Variants in PRKAA2 observed in about 807,000 individuals in gnomAD.
PRKAA2 encodes protein kinase AMP-activated catalytic subunit alpha 2, also known as 5'-AMP-activated protein kinase catalytic subunit alpha-2.
Under a neutral mutation model 56.3 loss-of-function variants are expected in PRKAA2, and 40 were observed. That is an observed-to-expected ratio of 0.71 (90% CI 0.55 to 0.92). PRKAA2 has a LOEUF of 0.92. Ranked by LOEUF, PRKAA2 falls within the 40% of genes least tolerant of loss-of-function variation. The pLI is 0.00. For synonymous variants in PRKAA2, 214 were observed against 234.2 expected (o/e 0.91, Z 0.79); for missense variants, 542 against 686.9 (o/e 0.79, Z 2.36).
At chr1:56,703,122 A>G (rs1283148019) in intron 6 of PRKAA2, among the ~76,000 whole-genome samples, 1 of 152,172 alleles carries the variant, frequency 6.6e-6, no homozygotes, top group African/African-American at 2.4e-5. Flanking sequence ...AACAATAGTA[A>G]CATCAAGCAC....
rs879001635 is a variant in PRKAA2 at position 56,650,350 on chromosome 1, G to A, written c.94+4869G>A. Among the ~76,000 whole-genome samples, 4 of 152,014 alleles carry A rather than the reference G, an allele frequency of 2.6e-5. No homozygotes were observed. In the East Asian group the frequency reaches 5.8e-4, roughly 22 times the overall value. ...ACTGTTTTTGGAAACAGATTATATGGGCTGACAGAGTTTAAAAGTAATGCT... is the reference window on the plus strand; with the variant it reads ...ACTGTTTTTGGAAACAGATTATATGAGCTGACAGAGTTTAAAAGTAATGCT... On this transcript the variant is annotated intron_variant, in intron 1 of 8. Transcript: ENST00000371244.
intron 6 of PRKAA2, among the ~76,000 whole-genome samples, chr1:56,702,723 T>C (rs1320605402): frequency 1.3e-5 from 2 of 152,356 alleles, no homozygotes; most frequent in East Asian, 3.9e-4. Context: ...CTTCAGATCA[T>C]TCTAGTGTCA....
At chr1:56,677,759 T>C (rs1644123855) in intron 2 of PRKAA2, among the ~76,000 whole-genome samples, 2 of 151,742 alleles carry the variant, frequency 1.3e-5, no homozygotes, top group African/African-American at 4.8e-5. Flanking sequence ...CAGATTCAAA[T>C]GATTCTCATG....
intron 1 of PRKAA2, among the ~76,000 whole-genome samples, chr1:56,666,562 A>G (rs1365152258): frequency 6.6e-6 from 1 of 152,200 alleles, no homozygotes; most frequent in African/African-American, 2.4e-5. Flanking sequence ...ATTTAATGGC[A>G]TTTATGTATT....
At chr1:56,667,697 A>G (rs1248709546) in intron 1 of PRKAA2, among the ~76,000 whole-genome samples, 1 of 152,206 alleles carries the variant, frequency 6.6e-6, no homozygotes, top group African/African-American at 2.4e-5. Flanking sequence ...GAAACAATGT[A>G]TATAAAATGT....
rs1644374498 is a variant in PRKAA2, at chr1:56,712,418, A to G, written c.*4705A>G. 6.6e-6 allele frequency: 1 copy of G among 152,226 alleles called. No homozygotes were observed. The highest frequency in any genetic ancestry group is 1.5e-5 in the Non-Finnish European group (1 of 68,050). 9.4% of individuals were successfully genotyped at this position (152,226 alleles called of 1,614,324 possible). On this transcript the variant is annotated 3_prime_UTR_variant, in exon 9 of 9. Transcript: ENST00000371244. ...TTGATTGTACTAACGAGATGTAATT[A>G]TCTGAAGTATTTATGATTAGCATAT...
chr1:56,683,313 A>G (rs1205317430), intron 2 of PRKAA2, among the ~76,000 whole-genome samples: 1 of 152,146 alleles, frequency 6.6e-6, no homozygotes, highest in Non-Finnish European at 1.5e-5. Flanking sequence ...GCACAGTAGT[A>G]GGTATTCAAT....
intron 1 of PRKAA2, among the ~76,000 whole-genome samples, chr1:56,650,495 G>A (rs977248094): frequency 6.6e-6 from 1 of 152,138 alleles, no homozygotes; most frequent in African/African-American, 2.4e-5. Context: ...CTTCTCTAAA[G>A]GTGATAGAAA....
At chr1:56,695,197 TA>T (rs1338652488) in intron 5 of PRKAA2, among the ~76,000 whole-genome samples, 3,058 of 147,650 alleles carry the variant, frequency 0.021, 66 homozygotes, top group African/African-American at 0.053. Context: ...TATATATATA[TA>T]TATATTTTTT....
At chr1:56,663,597 C>A (rs767529224) in intron 1 of PRKAA2, among the ~76,000 whole-genome samples, 4 of 152,224 alleles carry the variant, frequency 2.6e-5, no homozygotes, top group Non-Finnish European at 4.4e-5. Flanking sequence ...TGCAGCTGAT[C>A]TGAGTGCAAC....
rs1394547484 is a variant in PRKAA2, at chr1:56,707,528, G to A, written c.1474G>A (p.Ala492Thr). 5 of 1,614,036 alleles carry A rather than the reference G, an allele frequency of 3.1e-6. No individual in the cohort carries two copies. The highest frequency in any genetic ancestry group is 4.2e-6 in the Non-Finnish European group (5 of 1,180,018). The change falls in exon 9 of 9, where the codon GCT becomes ACT. Residue 492 changes from alanine (A) to threonine (T), a missense_variant. Transcript: ENST00000371244. The part of the protein sequence containing the change: ...GSSTPQRSCS[A>T]AGLHRPRSSF... ...CTCAACACCTCAGCGTTCCTGTTCT[G>A]CTGCTGGCTTACACAGACCAAGATC...
intron 6 of PRKAA2, among the ~76,000 whole-genome samples, chr1:56,696,937 C>T (rs536169970): frequency 2.6e-5 from 4 of 150,944 alleles, no homozygotes; most frequent in South Asian, 2.1e-4. Flanking sequence ...AGATTTCATC[C>T]GTGTTTGTTT....
At chr1:56,692,781 CTGTTTTTT>C (rs1644237055) in intron 4 of PRKAA2, among the ~76,000 whole-genome samples, 1 of 148,248 alleles carries the variant, frequency 6.7e-6, no homozygotes, top group Non-Finnish European at 1.5e-5. Context: ...TGATGCATAA[CTGTTTTTT>C]TGTTTTTTTT....
At chr1:56,657,346 C>A (rs1489423355) in intron 1 of PRKAA2, among the ~76,000 whole-genome samples, 2 of 152,074 alleles carry the variant, frequency 1.3e-5, no homozygotes, top group Admixed American at 1.3e-4. Context: ...AAACAAACTG[C>A]CAGCTTATAA....
intron 1 of PRKAA2, among the ~76,000 whole-genome samples, chr1:56,663,999 T>C (rs1644014858): frequency 6.6e-6 from 1 of 152,106 alleles, no homozygotes; most frequent in Non-Finnish European, 1.5e-5. Flanking sequence ...CTCTGGAGGC[T>C]GAGGTGGGAG....
intron 7 of PRKAA2, 49 bp downstream of exon 7, chr1:56,704,524 T>C: frequency 6.6e-7 from 1 of 1,524,676 alleles, no homozygotes; most frequent in Non-Finnish European, 8.7e-7. Flanking sequence ...CATTTTTCTA[T>C]ATTATAAGCT....
chr1:56,695,176 GAT>G (rs1644250564), intron 5 of PRKAA2, among the ~76,000 whole-genome samples: 1 of 123,482 alleles, frequency 8.1e-6, no homozygotes, highest in Non-Finnish European at 1.7e-5. Context: ...CTATATATAT[GAT>G]ATATTATATA....
chr1:56,698,454 G>T (rs1569786603), intron 6 of PRKAA2, among the ~76,000 whole-genome samples: 1 of 152,048 alleles, frequency 6.6e-6, no homozygotes, highest in South Asian at 2.1e-4. Flanking sequence ...CTTTAAATTA[G>T]GGACCAATTA....
intron 1 of PRKAA2, among the ~76,000 whole-genome samples, chr1:56,657,451 G>A (rs1373849471): frequency 6.6e-6 from 1 of 152,150 alleles, no homozygotes; most frequent in East Asian, 1.9e-4. Flanking sequence ...GCCAAGGCGG[G>A]GATCACCTGA....
Sources: gnomAD v4.1 joint callset for allele counts (sites outside exome capture counted in the v4.1 genomes callset) on GRCh38, gnomAD v4.1.1 for gene constraint, MANE v1.5 for transcripts, NCBI Gene and HGNC (gene_info 2026-07-23, HGNC 2026-07-21) for gene names.